PURA: variants seen among roughly 807,000 people sequenced by gnomAD.
The protein encoded by PURA is purine rich element binding protein A.
Under a neutral mutation model 23.1 loss-of-function variants are expected in PURA, and 2 were observed. The ratio of observed to expected loss-of-function variants is 0.09; its 90% CI spans 0.04 to 0.27. The LOEUF (loss-of-function observed/expected upper bound fraction) is 0.27. Among genes scored for constraint, PURA ranks in the 10% least tolerant of loss-of-function variants. PURA has a pLI of 1.00. For synonymous variants in PURA, 254 were observed against 205.9 expected (o/e 1.23, Z -2.00); for missense variants, 187 against 449.7 (o/e 0.42, Z 5.28).
rs1763052270 is a variant in PURA, at chr5:140,114,809, G to A, written c.628G>A (p.Gly210Arg). 1 of 1,614,056 alleles carries A rather than the reference G, an allele frequency of 6.2e-7. No individual in the cohort carries two copies. Among genetic ancestry groups the A allele is most frequent in the South Asian group, 1.1e-5 (1 of 91,078 alleles). ...TCTGGCCAAGCTCATCGACGACTAC[G>A]GAGTGGAGGAGGAGCCGGCCGAGCT... ...DALAKLIDDY[G>R]VEEEPAELPE... The change falls in exon 1 of 1, where the codon GGA becomes AGA. Residue 210 changes from glycine to arginine, a missense_variant. By Grantham distance (125) the Gly-to-Arg change is moderately radical. Around this residue, in one of 9 missense-constraint regions of PURA, gnomAD observed 65 missense variants for 158.6 expected, o/e 0.41. Transcript: ENST00000331327.
Position 140,123,337 on chromosome 5 carries a change from T to C in PURA, c.*8187T>C. 1 of 167,100 alleles carries C rather than the reference T, an allele frequency of 6.0e-6. No individual in the cohort carries two copies. 10.4% of individuals were successfully genotyped at this position (167,100 alleles called of 1,614,324 possible). On this transcript the variant is annotated 3_prime_UTR_variant, in exon 1 of 1. Transcript: ENST00000331327. ...CATGCTGCATATAGTTGTTAGGGTT[T>C]ATAAAGTTGTCAATGTGTAAAAGTG...
At position 140,123,578 on chromosome 5, in the gene PURA, CTTAATG is replaced by C. The variant is rs1308909506; in HGVS notation, c.*8432_*8437del. ...ATTTTATAAGGCCAAGAAAATATTT[CTTAATG>C]TTAGCTGTATAAAACAAAAATTTGT... On this transcript the variant is annotated 3_prime_UTR_variant, in exon 1 of 1. Coordinates refer to ENST00000331327, the MANE Select transcript of PURA (RefSeq NM_005859.5). The C allele has an allele frequency of 1.2e-5, 2 of 166,262 alleles. No homozygotes were observed. The highest frequency in any genetic ancestry group is 2.4e-5 in the African/African-American group (1 of 41,412). The allele number at this position is 166,262 out of a possible 1,614,324, so 10.3% of individuals were successfully genotyped here.
Position 140,124,191 on chromosome 5 carries a change from CAG to C in PURA, c.*9047_*9048del, listed in dbSNP as rs1277827783. The C allele has an allele frequency of 1.2e-5, 2 of 166,928 alleles. No individual in the cohort carries two copies. Among genetic ancestry groups the C allele is most frequent in the South Asian group, 4.2e-4 (2 of 4,812 alleles). The allele number at this position is 166,928 out of a possible 1,614,324, so 10.3% of individuals were successfully genotyped here. ...AAAATTGATAGTTTTATCAATGGAACAGAGAGATGTGTTTTTGGCTAAAATTA... is the reference window on the plus strand; with the variant it reads ...AAAATTGATAGTTTTATCAATGGAACAGAGATGTGTTTTTGGCTAAAATTA... On this transcript the variant is annotated 3_prime_UTR_variant, in exon 1 of 1. Coordinates refer to ENST00000331327, the MANE Select transcript of PURA (RefSeq NM_005859.5).
rs1334734988 is a variant in PURA at position 140,122,289 on chromosome 5, T to C, written c.*7139T>C. 6.0e-6 allele frequency: 1 copy of C among 166,820 alleles called. No individual in the cohort carries two copies. Among genetic ancestry groups the C allele is most frequent in the Non-Finnish European group, 1.5e-5 (1 of 67,990 alleles). 10.3% of individuals were successfully genotyped at this position (166,820 alleles called of 1,614,324 possible). A position where few individuals can be genotyped will look rare whatever the true frequency, so the allele number is the denominator to read the frequency against. ...CTTTTTAAACTATCAGAAATATTTA[T>C]CACACATACTATCTATTTTCTTGGG... On this transcript the variant is annotated 3_prime_UTR_variant, in exon 1 of 1. Transcript: ENST00000331327.
In PURA at chr5:140,119,212, G is replaced by GA. The variant is rs1252916084; in HGVS notation, c.*4064dup. The GA allele has an allele frequency of 6.0e-6, 1 of 166,866 alleles. No individual in the cohort carries two copies. Among genetic ancestry groups the GA allele is most frequent in the Non-Finnish European group, 1.5e-5 (1 of 67,978 alleles). 10.3% of individuals were successfully genotyped at this position (166,866 alleles called of 1,614,324 possible). ...TATTAATATTGTATAATAGGAGTGG[G>GA]AAGACTGCCTCCTTTTTTGAAGAGA... On this transcript the variant is annotated 3_prime_UTR_variant, in exon 1 of 1. Coordinates refer to ENST00000331327, the MANE Select transcript of PURA (RefSeq NM_005859.5).
Position 140,121,509 on chromosome 5 carries a change from A to C in PURA, c.*6359A>C, listed in dbSNP as rs1490966565. 1.2e-5 allele frequency: 2 copies of C among 166,816 alleles called. No individual in the cohort carries two copies. Among genetic ancestry groups the C allele is most frequent in the Admixed American group, 6.6e-5 (1 of 15,246 alleles). The allele number at this position is 166,816 out of a possible 1,614,324, so 10.3% of individuals were successfully genotyped here. A position where few individuals can be genotyped will look rare whatever the true frequency, so the allele number is the denominator to read the frequency against. On this transcript the variant is annotated 3_prime_UTR_variant, in exon 1 of 1. Transcript: ENST00000331327. ...CTTGACCTACCTCCTTACCATGTACATCTGGCATCTTCTCTCTCCTATCCT... is the reference window on the plus strand; with the variant it reads ...CTTGACCTACCTCCTTACCATGTACCTCTGGCATCTTCTCTCTCCTATCCT...
At position 140,115,330 on chromosome 5, in the gene PURA, CTCT is replaced by C. The variant is rs1763064303; in HGVS notation, c.*185_*187del. 4.5e-6 allele frequency: 2 copies of C among 446,788 alleles called. No homozygotes were observed. Among genetic ancestry groups the C allele is most frequent in the Non-Finnish European group, 4.0e-6 (1 of 249,972 alleles). The allele number at this position is 446,788 out of a possible 1,614,324, so 27.7% of individuals were successfully genotyped here. A position where few individuals can be genotyped will look rare whatever the true frequency, so the allele number is the denominator to read the frequency against. ...CAGAACCTCCACCAACTGACAGTTT[CTCT>C]TCTTGACTTGCCACCCATCGCTGGA... On this transcript the variant is annotated 3_prime_UTR_variant, in exon 1 of 1. Transcript: ENST00000331327. The surrounding 1 kb of genome is among the most constrained non-coding windows in gnomAD (Gnocchi z 4.1).
In PURA at chr5:140,119,321, T is replaced by C. The variant is rs1038497640; in HGVS notation, c.*4171T>C. Reference sequence around the variant, plus strand: ...TAGGTATTTAATTTGTAAAACAGTTTGCTTTGTACTGGCATACAGAAAATA... The same window carrying C: ...TAGGTATTTAATTTGTAAAACAGTTCGCTTTGTACTGGCATACAGAAAATA... On this transcript the variant is annotated 3_prime_UTR_variant, in exon 1 of 1. Coordinates refer to ENST00000331327, the MANE Select transcript of PURA (RefSeq NM_005859.5). 4.2e-5 allele frequency: 7 copies of C among 166,948 alleles called. No individual in the cohort carries two copies. The highest frequency in any genetic ancestry group is 2.9e-5 in the Non-Finnish European group (2 of 67,970). 10.3% of individuals were successfully genotyped at this position (166,948 alleles called of 1,614,324 possible). A position where few individuals can be genotyped will look rare whatever the true frequency, so the allele number is the denominator to read the frequency against.
In PURA at chr5:140,114,426, A is replaced by C; in HGVS notation, c.245A>C (p.Lys82Thr). 6.2e-7 allele frequency: 1 copy of C among 1,613,138 alleles called. No individual in the cohort carries two copies. Among genetic ancestry groups the C allele is most frequent in the East Asian group, 2.2e-5 (1 of 44,810 alleles). ...RFYLDVKQNAKGRFLKIAEVG... is the reference protein window; with the variant it reads ...RFYLDVKQNATGRFLKIAEVG... ...TACCTGGACGTGAAGCAGAACGCCA[A>C]GGGCCGCTTCCTGAAGATCGCCGAG... The change falls in exon 1 of 1, where the codon AAG becomes ACG. Residue 82 changes from lysine (K) to threonine (T), a missense_variant. Coordinates refer to ENST00000331327, the MANE Select transcript of PURA (RefSeq NM_005859.5).
In PURA at chr5:140,114,781, C is replaced by G; in HGVS notation, c.600C>G (p.Asp200Glu). The change falls in exon 1 of 1, where the codon GAC becomes GAG. Residue 200 changes from aspartate to glutamate, a missense_variant. Transcript: ENST00000331327. ...CGCAGGGGCTCATCGAGTTCCGTGA[C>G]GCTCTGGCCAAGCTCATCGACGACT... ...LPAQGLIEFRDALAKLIDDYG... is the reference protein window; with the variant it reads ...LPAQGLIEFREALAKLIDDYG... The G allele has an allele frequency of 6.2e-7, 1 of 1,613,450 alleles. No homozygotes were observed. The highest frequency in any genetic ancestry group is 8.5e-7 in the Non-Finnish European group (1 of 1,179,612).
chr5:140,115,232 G>T lies in PURA; in HGVS notation c.*82G>T. On this transcript the variant is annotated 3_prime_UTR_variant, in exon 1 of 1. Coordinates refer to ENST00000331327, the MANE Select transcript of PURA (RefSeq NM_005859.5). This position sits in a 1 kb window ranked among gnomAD's most constrained non-coding sequence, Gnocchi z 4.1. ...ACACACACAGAAAATATACTGTAAA[G>T]AAAGAGAGAAAATAAAAAGTTAAAA... is the stretch of plus-strand genomic sequence containing the variant. 8 of 741,348 alleles carry T rather than the reference G, an allele frequency of 1.1e-5. No individual in the cohort carries two copies. Among genetic ancestry groups the T allele is most frequent in the South Asian group, 4.8e-5 (1 of 20,644 alleles). The allele number at this position is 741,348 out of a possible 1,614,324, so 45.9% of individuals were successfully genotyped here. A position where few individuals can be genotyped will look rare whatever the true frequency, so the allele number is the denominator to read the frequency against.
At position 140,123,696 on chromosome 5, in the gene PURA, G is replaced by C. The variant is rs1763175649; in HGVS notation, c.*8546G>C. ...TTATTAAACTGTTTAAATAGACAAA[G>C]TTAAAGCTTAGGATAGGGAATATAT... On this transcript the variant is annotated 3_prime_UTR_variant, in exon 1 of 1. Transcript: ENST00000331327. 1 of 166,876 alleles carries C rather than the reference G, an allele frequency of 6.0e-6. No homozygotes were observed. The highest frequency in any genetic ancestry group is 2.4e-5 in the African/African-American group (1 of 41,428). 10.3% of individuals were successfully genotyped at this position (166,876 alleles called of 1,614,324 possible). A position where few individuals can be genotyped will look rare whatever the true frequency, so the allele number is the denominator to read the frequency against.
At position 140,114,152 on chromosome 5, in the gene PURA, GGCGGCGGC is replaced by G. The variant is rs1763033576; in HGVS notation, c.-24_-17del. ...TGAGGCGGCGGGCGGAGCGGCAGGC[GGCGGCGGC>G]GCGGCAGCGGAGCGCAGCATCATGG... On this transcript the variant is annotated 5_prime_UTR_variant, in exon 1 of 1. Transcript: ENST00000331327. 1 of 568,780 alleles carries G rather than the reference GGCGGCGGC, an allele frequency of 1.8e-6. No individual in the cohort carries two copies. The highest frequency in any genetic ancestry group is 2.5e-6 in the Non-Finnish European group (1 of 396,960). 35.2% of individuals were successfully genotyped at this position (568,780 alleles called of 1,614,324 possible). A position where few individuals can be genotyped will look rare whatever the true frequency, so the allele number is the denominator to read the frequency against.
chr5:140,114,174 G>A lies in PURA; in HGVS notation c.-8G>A, dbSNP rs1763034120. On this transcript the variant is annotated 5_prime_UTR_variant, in exon 1 of 1. Coordinates refer to ENST00000331327, the MANE Select transcript of PURA (RefSeq NM_005859.5). ...GGCGGCGGCGGCGCGGCAGCGGAGC[G>A]CAGCATCATGGCGGACCGAGACAGC... The A allele has an allele frequency of 4.2e-6, 3 of 713,052 alleles. No homozygotes were observed. Among genetic ancestry groups the A allele is most frequent in the East Asian group, 4.0e-5 (1 of 25,190 alleles). The allele number at this position is 713,052 out of a possible 1,614,324, so 44.2% of individuals were successfully genotyped here.
In PURA at chr5:140,115,179, A is replaced by G; in HGVS notation, c.*29A>G. The G allele has an allele frequency of 8.2e-7, 1 of 1,212,510 alleles. No homozygotes were observed. Among genetic ancestry groups the G allele is most frequent in the Non-Finnish European group, 1.1e-6 (1 of 872,376 alleles). 75.1% of individuals were successfully genotyped at this position (1,212,510 alleles called of 1,614,324 possible). ...AACTGAATGAAACCCCCACACACAC[A>G]CACATGCATACACACACACACACAG... On this transcript the variant is annotated 3_prime_UTR_variant, in exon 1 of 1. Coordinates refer to ENST00000331327, the MANE Select transcript of PURA (RefSeq NM_005859.5). The surrounding 1 kb of genome is among the most constrained non-coding windows in gnomAD (Gnocchi z 4.1).
At position 140,124,434 on chromosome 5, in the gene PURA, A is replaced by C. The variant is rs752053776; in HGVS notation, c.*9284A>C. The C allele has an allele frequency of 6.0e-6, 1 of 166,978 alleles. No homozygotes were observed. Among genetic ancestry groups the C allele is most frequent in the Non-Finnish European group, 1.5e-5 (1 of 68,068 alleles). 10.3% of individuals were successfully genotyped at this position (166,978 alleles called of 1,614,324 possible). A position where few individuals can be genotyped will look rare whatever the true frequency, so the allele number is the denominator to read the frequency against. Reference sequence around the variant, plus strand: ...TAGTCATTCTGGATCTTATGTTTGCAAATTCTGTTGAACATTCAGTGATGT... The same window carrying C: ...TAGTCATTCTGGATCTTATGTTTGCCAATTCTGTTGAACATTCAGTGATGT... On this transcript the variant is annotated 3_prime_UTR_variant, in exon 1 of 1. Coordinates refer to ENST00000331327, the MANE Select transcript of PURA (RefSeq NM_005859.5).
In PURA at chr5:140,118,382, T is replaced by G. The variant is rs1763113183; in HGVS notation, c.*3232T>G. ...AGATCAGCCACCAGATTTGAAATGC[T>G]TATGTATGTGTGTGTGTTTGGAGTT... On this transcript the variant is annotated 3_prime_UTR_variant, in exon 1 of 1. Coordinates refer to ENST00000331327, the MANE Select transcript of PURA (RefSeq NM_005859.5). 1 of 166,986 alleles carries G rather than the reference T, an allele frequency of 6.0e-6. No individual in the cohort carries two copies. The highest frequency in any genetic ancestry group is 1.5e-5 in the Non-Finnish European group (1 of 68,062). 10.3% of individuals were successfully genotyped at this position (166,986 alleles called of 1,614,324 possible).
Position 140,115,168 on chromosome 5 carries a change from C to CA in PURA, c.*18_*19insA. On this transcript the variant is annotated 3_prime_UTR_variant, in exon 1 of 1. Coordinates refer to ENST00000331327, the MANE Select transcript of PURA (RefSeq NM_005859.5). This position sits in a 1 kb window ranked among gnomAD's most constrained non-coding sequence, Gnocchi z 4.1. Reference sequence around the variant, plus strand: ...AAGATTGATCAAACTGAATGAAACCCCCACACACACACACATGCATACACA... The same window carrying CA: ...AAGATTGATCAAACTGAATGAAACCCACCACACACACACACATGCATACACA... The CA allele has an allele frequency of 7.1e-7, 1 of 1,416,438 alleles. No homozygotes were observed. 87.7% of individuals were successfully genotyped at this position (1,416,438 alleles called of 1,614,324 possible).
In PURA at chr5:140,114,569, C is replaced by G; in HGVS notation, c.388C>G (p.Pro130Ala). The change falls in exon 1 of 1, where the codon CCG becomes GCG. Residue 130 changes from proline (P) to alanine (A), a missense_variant. Physicochemically the swap from Pro to Ala is conservative, Grantham distance 27. Coordinates refer to ENST00000331327, the MANE Select transcript of PURA (RefSeq NM_005859.5). ...CGCGCAGCTGGGCCCCAGCCAGCCG[C>G]CGGACCTGGCCCAGGCGCAGGACGA... Reference protein sequence around the residue: ...HYAQLGPSQPPDLAQAQDEPR... With the variant: ...HYAQLGPSQPADLAQAQDEPR... The G allele has an allele frequency of 6.2e-7, 1 of 1,602,232 alleles. No individual in the cohort carries two copies. Among genetic ancestry groups the G allele is most frequent in the Non-Finnish European group, 8.5e-7 (1 of 1,176,454 alleles).
Sources: gnomAD v4.1 joint callset for allele counts on GRCh38, gnomAD v4.1.1 for gene constraint, gnomAD v4.1.1 regional missense constraint, Gnocchi (gnomAD v3.1) non-coding constraint, MANE v1.5 for transcripts, NCBI Gene and HGNC (gene_info 2026-07-23, HGNC 2026-07-21) for gene names.